The following STK32B variants were observed in gnomAD, a reference collection of about 807,000 sequenced individuals.
STK32B encodes the protein serine/threonine kinase 32B, also known as serine/threonine-protein kinase 32B.
A neutral mutation model predicts 52.6 loss-of-function variants in STK32B; 43 were observed. That is an observed-to-expected ratio of 0.82 (90% confidence interval 0.64 to 1.05). The LOEUF is 1.05. Among genes scored for constraint, STK32B ranks in the 50% least tolerant of loss-of-function variants. The pLI is 0.00. For missense variants in STK32B, 621 were observed against 534.6 expected, an observed-to-expected ratio of 1.16 and a Z score of -1.59; for synonymous variants, 238 against 204.3, an observed-to-expected ratio of 1.17 and a Z score of -1.41.
chr4:5,302,149 A>G (rs1231742188), intron 3 of STK32B, among the ~76,000 whole-genome samples: 1 of 151,606 alleles, frequency 6.6e-6, no homozygotes, highest in African/African-American at 2.4e-5. Context: ...AGTCTGATGT[A>G]TGTGTGTATG....
intron 1 of STK32B, among the ~76,000 whole-genome samples, chr4:5,089,260 C>T (rs1712915376): frequency 6.6e-6 from 1 of 151,826 alleles, no homozygotes; most frequent in African/African-American, 2.4e-5. Context: ...GCAGAACATG[C>T]AGGTTTGTCA....
intron 3 of STK32B, among the ~76,000 whole-genome samples, chr4:5,317,088 A>G (rs535610705): frequency 0.044 from 1,505 of 34,078 alleles, 237 homozygotes; most frequent in African/African-American, 0.17. Context: ...TTATATATAT[A>G]ATATATATGA....
chr4:5,327,410 G>T (rs1731953311), intron 3 of STK32B, among the ~76,000 whole-genome samples: 1 of 151,220 alleles, frequency 6.6e-6, no homozygotes, highest in Non-Finnish European at 1.5e-5. Flanking sequence ...CTTACAAAAT[G>T]CATTTCTTAA....
intron 6 of STK32B, among the ~76,000 whole-genome samples, chr4:5,442,451 G>T (rs1204909809): frequency 2.0e-5 from 3 of 151,510 alleles, no homozygotes; most frequent in South Asian, 2.1e-4. Flanking sequence ...GTTTTCCACT[G>T]GCTTGGTAGA....
intron 3 of STK32B, among the ~76,000 whole-genome samples, chr4:5,283,979 G>C (rs1728381802): frequency 6.6e-6 from 1 of 152,148 alleles, no homozygotes; most frequent in African/African-American, 2.4e-5. Context: ...CATAAAGGTG[G>C]TGTGTAAAGC....
intron 2 of STK32B, among the ~76,000 whole-genome samples, chr4:5,158,133 A>G (rs866412122): frequency 1.1e-4 from 16 of 152,272 alleles, no homozygotes; most frequent in South Asian, 8.3e-4. Context: ...TAGATGATCC[A>G]TTACTGACCA....
chr4:5,072,585 G>T (rs146588156), intron 1 of STK32B, among the ~76,000 whole-genome samples: 216 of 152,218 alleles, frequency 1.4e-3, no homozygotes, highest in African/African-American at 5.0e-3. Flanking sequence ...GCTGTCATTT[G>T]TCTCAGGCTT....
Position 5,494,848 on chromosome 4 carries a change from G to A in STK32B, c.1107-4097G>A, listed in dbSNP as rs6446365. On this transcript the variant is annotated intron_variant, in intron 11 of 11. Coordinates refer to ENST00000282908, the MANE Select transcript of STK32B (RefSeq NM_018401.3). Reference sequence around the variant, plus strand: ...CTTCACTTTTGAAGCTTAGTTTGGCGGGATATGAAATTCTGGGTTGAAAAT... The same window carrying A: ...CTTCACTTTTGAAGCTTAGTTTGGCAGGATATGAAATTCTGGGTTGAAAAT... Among the ~76,000 whole-genome samples, 247 of 152,120 alleles carry A rather than the reference G, an allele frequency of 1.6e-3. 2 individuals are homozygous for A. The highest frequency in any genetic ancestry group is 3.4e-3 in the Middle Eastern group (1 of 294).
At chr4:5,170,026 T>C (rs1719231900) in intron 3 of STK32B, among the ~76,000 whole-genome samples, 1 of 152,250 alleles carries the variant, frequency 6.6e-6, no homozygotes, top group South Asian at 2.1e-4. Context: ...GCAAACTCTT[T>C]GTAAATCATT....
intron 11 of STK32B, among the ~76,000 whole-genome samples, chr4:5,491,746 A>G (rs921771879): frequency 7.9e-5 from 12 of 151,712 alleles, no homozygotes; most frequent in African/African-American, 2.4e-4. Context: ...ACCTTGAATT[A>G]ATTTTTGTAT....
At chr4:5,022,393 G>A in the STK32B span, among the ~76,000 whole-genome samples, 2,726 of 152,272 alleles carry the variant, frequency 0.018, 24 homozygotes, top group South Asian at 0.054. Context: ...CCCACCAGGG[G>A]CTCCCTATGA....
intron 3 of STK32B, among the ~76,000 whole-genome samples, chr4:5,290,242 C>A (rs539806701): frequency 1.3e-5 from 2 of 151,132 alleles, no homozygotes; most frequent in African/African-American, 2.5e-5. Context: ...AATAAATCGA[C>A]GTTAGTATAC....
intron 4 of STK32B, among the ~76,000 whole-genome samples, chr4:5,367,682 T>C (rs577225257): frequency 6.6e-6 from 1 of 152,322 alleles, no homozygotes; most frequent in African/African-American, 2.4e-5. Context: ...GCATGGCCAG[T>C]TTATTATGTG....
At chr4:5,429,629 A>T (rs1310801829) in intron 6 of STK32B, among the ~76,000 whole-genome samples, 1 of 152,082 alleles carries the variant, frequency 6.6e-6, no homozygotes, top group Non-Finnish European at 1.5e-5. Flanking sequence ...AATAAAAAAA[A>T]ACTTTGCATT....
At chr4:5,257,649 A>G (rs561538629) in intron 3 of STK32B, among the ~76,000 whole-genome samples, 1 of 152,336 alleles carries the variant, frequency 6.6e-6, no homozygotes, top group Admixed American at 6.5e-5. Flanking sequence ...CACTTAAACA[A>G]TACAGTGGGG....
At chr4:5,397,241 C>G (rs926801838) in intron 4 of STK32B, among the ~76,000 whole-genome samples, 1 of 152,168 alleles carries the variant, frequency 6.6e-6, no homozygotes, top group African/African-American at 2.4e-5. Context: ...TTTGTAAAAT[C>G]TATGGTTTTA....
At chr4:5,155,399 G>A (rs1156517989) in intron 2 of STK32B, among the ~76,000 whole-genome samples, 1 of 152,146 alleles carries the variant, frequency 6.6e-6, no homozygotes, top group African/African-American at 2.4e-5. Flanking sequence ...CTTGTTCGCT[G>A]TTTTATCCCT....
In STK32B at chr4:5,317,537, ATG is replaced by A. The variant is rs1275972449; in HGVS notation, c.261-13681_261-13680del. Among the ~76,000 whole-genome samples, 421 of 95,660 alleles carry A rather than the reference ATG, an allele frequency of 4.4e-3. 77 individuals carry two copies. The highest frequency in any genetic ancestry group is 0.03 in the African/African-American group (374 of 12,416). The allele number at this position is 95,660 out of a possible 152,430, so 62.8% of individuals were successfully genotyped here. A position where few individuals can be genotyped will look rare whatever the true frequency, so the allele number is the denominator to read the frequency against. On this transcript the variant is annotated intron_variant, in intron 3 of 11. Transcript: ENST00000282908. ...AATATATTTATTATATATATATTACATGTATATATATATATATATATAACTTG... is the reference window on the plus strand; with the variant it reads ...AATATATTTATTATATATATATTACATATATATATATATATATATAACTTG...
At chr4:5,323,905 C>G (rs764931463) in intron 3 of STK32B, among the ~76,000 whole-genome samples, 10 of 152,194 alleles carry the variant, frequency 6.6e-5, no homozygotes, top group Non-Finnish European at 1.5e-4. Context: ...TGGACATGGA[C>G]TATCTTGGCT....
Sources: gnomAD v4.1 joint callset for allele counts (sites outside exome capture counted in the v4.1 genomes callset) on GRCh38, gnomAD v4.1.1 for gene constraint, MANE v1.5 for transcripts, NCBI Gene and HGNC (gene_info 2026-07-23, HGNC 2026-07-21) for gene names.